Variants in TSHZ3 observed in about 807,000 individuals in gnomAD.
TSHZ3 encodes the protein teashirt homolog 3.
A neutral mutation model predicts 64.5 loss-of-function variants in TSHZ3; 10 were observed. The observed-to-expected ratio is 0.16, with a 90% CI of 0.10 to 0.26. TSHZ3 has a LOEUF of 0.26. Among genes scored for constraint, TSHZ3 ranks in the 10% least tolerant of loss-of-function variants. The pLI, the probability that TSHZ3 is intolerant of heterozygous loss-of-function variation, is 1.00. For synonymous variants in TSHZ3, 608 were observed against 593.1 expected, an observed-to-expected ratio of 1.03 and a Z score of -0.36; for missense variants, 1,242 against 1,421.7, an observed-to-expected ratio of 0.87 and a Z score of 2.03.
chr19:31,253,587 T>A (rs1284931732), intron 1 of TSHZ3, among the ~76,000 whole-genome samples: 1 of 152,046 alleles, frequency 6.6e-6, no homozygotes, highest in Non-Finnish European at 1.5e-5. Flanking sequence ...GTCTCAAACT[T>A]CTGGCCTCAA....
chr19:31,237,435 C>A (rs935612671), intron 3 of TSHZ3, among the ~76,000 whole-genome samples: 3 of 152,028 alleles, frequency 2.0e-5, no homozygotes, highest in African/African-American at 7.2e-5. Context: ...TAACATTCTA[C>A]AGGATATGTA....
intron 5 of TSHZ3, among the ~76,000 whole-genome samples, chr19:31,176,530 T>G (rs1424655506): frequency 6.6e-6 from 1 of 152,182 alleles, no homozygotes; most frequent in African/African-American, 2.4e-5. Context: ...GCATGGTGTT[T>G]CGCTTGTAAT....
At chr19:31,175,026 C>T (rs2145119317) in intron 5 of TSHZ3, among the ~76,000 whole-genome samples, 1 of 152,342 alleles carries the variant, frequency 6.6e-6, no homozygotes, top group African/African-American at 2.4e-5. Flanking sequence ...GGGCGGGTCC[C>T]AGGCTGGGCT....
intron 4 of TSHZ3, among the ~76,000 whole-genome samples, chr19:31,217,381 C>G (rs1975348563): frequency 6.6e-6 from 1 of 152,104 alleles, no homozygotes; most frequent in South Asian, 2.1e-4. Flanking sequence ...AAGGCGAGAA[C>G]TCCCTTCCAA....
intron 1 of TSHZ3, among the ~76,000 whole-genome samples, chr19:31,288,169 G>C (rs1042956271): frequency 6.6e-6 from 1 of 152,038 alleles, no homozygotes; most frequent in Non-Finnish European, 1.5e-5. Flanking sequence ...CTAGCCGAAG[G>C]GGATGGAGGA....
At position 31,287,144 on chromosome 19, in the gene TSHZ3, G is replaced by T. The variant is rs1976477986; in HGVS notation, c.41-7392C>A. ...AACCACGGGGGCCACGGATGGGCAA[G>T]TCGTGGGTGGGAGGGGGCACTGGGT... On this transcript the variant is annotated intron_variant, in intron 1 of 1. Coordinates refer to ENST00000240587, the MANE Select transcript of TSHZ3 (RefSeq NM_020856.4). Among the ~76,000 whole-genome samples, 5 of 152,132 alleles carry T rather than the reference G, an allele frequency of 3.3e-5. No homozygotes were observed. In the South Asian group the frequency reaches 1.0e-3, roughly 32 times the overall value.
upstream of TSHZ3, chr19:31,349,648 G>A (rs1318603576): frequency 6.3e-6 from 1 of 158,104 alleles, no homozygotes; most frequent in African/African-American, 2.5e-5. Context: ...CGGGGTTCGG[G>A]GCTGGGGGGC....
intron 1 of TSHZ3, among the ~76,000 whole-genome samples, chr19:31,300,616 C>T (rs147419599): frequency 0.034 from 5,114 of 152,290 alleles, 103 homozygotes; most frequent in Middle Eastern, 0.068. Context: ...CGCACCACCT[C>T]CTGCTCCAGG....
chr19:31,276,400 C>T lies in TSHZ3; in HGVS notation c.*147G>A, dbSNP rs1406731455. ...TTATGCACCTCTATTAAACACTGTA[C>T]AGTTATACAAAACAGTCCAGCCCAG... On this transcript the variant is annotated 3_prime_UTR_variant, in exon 2 of 2. Transcript: ENST00000240587. 3 of 738,392 alleles carry T rather than the reference C, an allele frequency of 4.1e-6. No individual in the cohort carries two copies. Among genetic ancestry groups the T allele is most frequent in the Middle Eastern group, 3.9e-4 (1 of 2,538 alleles). 45.7% of individuals were successfully genotyped at this position (738,392 alleles called of 1,614,324 possible). A position where few individuals can be genotyped will look rare whatever the true frequency, so the allele number is the denominator to read the frequency against.
intron 1 of TSHZ3, among the ~76,000 whole-genome samples, chr19:31,340,027 G>A (rs1007574568): frequency 2.0e-5 from 3 of 151,758 alleles, no homozygotes; most frequent in African/African-American, 7.3e-5. Flanking sequence ...TGAAGTAATC[G>A]TCCCGCAGCT....
intron 5 of TSHZ3, chr19:31,195,556 T>TTGTA (rs1003406087): frequency 2.0e-5 from 3 of 150,742 alleles, no homozygotes; most frequent in Non-Finnish European, 3.0e-5. Flanking sequence ...GTAGGGATTC[T>TTGTA]TTTATTTATT....
chr19:31,206,097 A>C (rs1349014680), intron 4 of TSHZ3, among the ~76,000 whole-genome samples: 1 of 151,324 alleles, frequency 6.6e-6, no homozygotes, highest in Non-Finnish European at 1.5e-5. Context: ...GGATGGATGG[A>C]TGGATGGATG....
At position 31,333,194 on chromosome 19, in the gene TSHZ3, G is replaced by A. The variant is rs187534585; in HGVS notation, c.40+15986C>T. Among the ~76,000 whole-genome samples, 5 of 151,842 alleles carry A rather than the reference G, an allele frequency of 3.3e-5. No individual in the cohort carries two copies. In the South Asian group the frequency reaches 6.2e-4, roughly 19 times the overall value. On this transcript the variant is annotated intron_variant, in intron 1 of 1. Coordinates refer to ENST00000240587, the MANE Select transcript of TSHZ3 (RefSeq NM_020856.4). ...ACACTCAAAGTGTCTGGGAGTTGGG[G>A]CCTCAGAGAGATCTACATGAACAGG...
chr19:31,214,148 G>A (rs925065610), intron 4 of TSHZ3, among the ~76,000 whole-genome samples: 7 of 152,154 alleles, frequency 4.6e-5, no homozygotes, highest in African/African-American at 1.7e-4. Context: ...AAGTTTTGGC[G>A]CTTCCGGCTG....
At chr19:31,340,632 G>A (rs546113971) in intron 1 of TSHZ3, among the ~76,000 whole-genome samples, 5 of 152,162 alleles carry the variant, frequency 3.3e-5, no homozygotes, top group Non-Finnish European at 7.4e-5. Context: ...GTCAGTGCGG[G>A]CCCTGATTAC....
chr19:31,259,499 G>A lies in TSHZ3; in HGVS notation n.64-16624C>T, dbSNP rs200230124. Among the ~76,000 whole-genome samples the A allele has an allele frequency of 7.2e-5, 11 of 152,144 alleles. No individual in the cohort carries two copies. In the East Asian group the frequency reaches 1.9e-3, roughly 27 times the overall value. Reference sequence around the variant, plus strand: ...CAGGTAGGGTCCAGTCGAAGCATGCGTCTGAGAAATGGTCGTTCCCTGCTA... The same window carrying A: ...CAGGTAGGGTCCAGTCGAAGCATGCATCTGAGAAATGGTCGTTCCCTGCTA... On this transcript the variant is annotated intron_variant and non_coding_transcript_variant, in intron 1 of 6. Coordinates refer to the TSHZ3 transcript ENST00000651361.
At chr19:31,207,912 C>A (rs564852682) in intron 4 of TSHZ3, among the ~76,000 whole-genome samples, 1 of 152,290 alleles carries the variant, frequency 6.6e-6, no homozygotes, top group African/African-American at 2.4e-5. Flanking sequence ...ATGGGACAAG[C>A]TATCTTGATG....
At chr19:31,239,063 T>C (rs1180891400) in intron 3 of TSHZ3, among the ~76,000 whole-genome samples, 1 of 152,180 alleles carries the variant, frequency 6.6e-6, no homozygotes, top group African/African-American at 2.4e-5. Context: ...TACTAAAATG[T>C]GTTTTTTAAA....
At chr19:31,327,607 TAC>T (rs1289808742) in intron 1 of TSHZ3, among the ~76,000 whole-genome samples, 2 of 152,208 alleles carry the variant, frequency 1.3e-5, no homozygotes, top group Admixed American at 6.5e-5. Flanking sequence ...ATATGTACCA[TAC>T]ATATACATAC....
Sources: gnomAD v4.1 joint callset for allele counts (sites outside exome capture counted in the v4.1 genomes callset) on GRCh38, gnomAD v4.1.1 for gene constraint, MANE v1.5 for transcripts, NCBI Gene and HGNC (gene_info 2026-07-23, HGNC 2026-07-21) for gene names.